The following CNTNAP5 variants were observed in gnomAD, a reference collection of about 807,000 sequenced individuals.
The protein encoded by CNTNAP5 is contactin associated protein family member 5, also known as contactin-associated protein-like 5.
CNTNAP5 carries 72 observed loss-of-function variants against 150.2 expected under a neutral mutation model. The ratio of observed to expected loss-of-function variants is 0.48; its 90% confidence interval spans 0.40 to 0.58. The LOEUF (loss-of-function observed/expected upper bound fraction) is 0.58, where lower values mean the gene tolerates loss of function less well. Among genes scored for constraint, CNTNAP5 ranks in the 20% least tolerant of loss-of-function variants. The pLI is 0.00. For missense variants in CNTNAP5, 1,636 were observed against 1,626.2 expected (o/e 1.01, Z -0.10); for synonymous variants, 672 against 619.8 (o/e 1.08, Z -1.25).
intron 2 of CNTNAP5, among the ~76,000 whole-genome samples, chr2:124,235,300 A>G (rs111450490): frequency 0.023 from 3,526 of 152,194 alleles, 134 homozygotes; most frequent in African/African-American, 0.079. Context: ...GGATAGTTCT[A>G]GTTGTCATCT....
intron 8 of CNTNAP5, among the ~76,000 whole-genome samples, chr2:124,510,307 A>ATATATCTATATATCTATATATC (rs1694540879): frequency 1.8e-5 from 2 of 113,578 alleles, no homozygotes; most frequent in African/African-American, 3.6e-5. Flanking sequence ...ATATCTATAT[A>ATATATCTATATATCTATATATC]TATATCTATA....
At chr2:124,043,591 G>A (rs1257440132) in intron 1 of CNTNAP5, among the ~76,000 whole-genome samples, 1 of 151,874 alleles carries the variant, frequency 6.6e-6, no homozygotes, top group Non-Finnish European at 1.5e-5. Flanking sequence ...TATTTGTAGT[G>A]TATTCCATTT....
At chr2:124,165,617 A>G (rs565128232) in intron 1 of CNTNAP5, among the ~76,000 whole-genome samples, 5 of 152,260 alleles carry the variant, frequency 3.3e-5, no homozygotes, top group Non-Finnish European at 5.9e-5. Flanking sequence ...CTCCAAGCAC[A>G]TGAAACACAT....
chr2:124,066,720 CAG>C lies in CNTNAP5; in HGVS notation c.82+40992_82+40993del, dbSNP rs1682170462. Reference sequence around the variant, plus strand: ...GGACACTGGAAAACACTTAAGAAAACAGAGATTAAATAGACATCATAAACCCA... The same window carrying C: ...GGACACTGGAAAACACTTAAGAAAACAGATTAAATAGACATCATAAACCCA... On this transcript the variant is annotated intron_variant, in intron 1 of 23. Coordinates refer to ENST00000682447, the MANE Select transcript of CNTNAP5 (RefSeq NM_001367498.1). Among the ~76,000 whole-genome samples, 5 of 151,896 alleles carry C rather than the reference CAG, an allele frequency of 3.3e-5. No homozygotes were observed. The South Asian group carries it at 1.0e-3, about 32-fold the overall frequency.
intron 1 of CNTNAP5, among the ~76,000 whole-genome samples, chr2:124,042,384 G>T (rs994284934): frequency 1.3e-5 from 2 of 152,064 alleles, no homozygotes; most frequent in Non-Finnish European, 2.9e-5. Context: ...TTTTAAGAAG[G>T]TGTAACCATG....
intron 7 of CNTNAP5, among the ~76,000 whole-genome samples, chr2:124,496,937 C>T (rs913179490): frequency 6.6e-6 from 1 of 152,114 alleles, no homozygotes; most frequent in African/African-American, 2.4e-5. Flanking sequence ...GGATGTATAA[C>T]CTCAGGTCTT....
At chr2:124,034,434 C>G (rs1472239599) in intron 1 of CNTNAP5, among the ~76,000 whole-genome samples, 1 of 152,084 alleles carries the variant, frequency 6.6e-6, no homozygotes, top group Non-Finnish European at 1.5e-5. Flanking sequence ...AAGACAAATA[C>G]AAATTTGTTC....
At chr2:124,453,055 CAGA>C (rs1184837408) in intron 6 of CNTNAP5, among the ~76,000 whole-genome samples, 1 of 151,854 alleles carries the variant, frequency 6.6e-6, no homozygotes, top group African/African-American at 2.4e-5. Context: ...AAAAATAATT[CAGA>C]AGGTTAGTTA....
At chr2:124,456,970 T>C (rs1693134113) in intron 6 of CNTNAP5, among the ~76,000 whole-genome samples, 1 of 152,196 alleles carries the variant, frequency 6.6e-6, no homozygotes, top group Non-Finnish European at 1.5e-5. Flanking sequence ...TTCTAGAAGA[T>C]GGCATTAGGG....
At chr2:124,836,370 C>T (rs992268050) in intron 19 of CNTNAP5, among the ~76,000 whole-genome samples, 14 of 152,116 alleles carry the variant, frequency 9.2e-5, no homozygotes, top group African/African-American at 3.4e-4. Context: ...TAAGTGGTCT[C>T]TAAAATGAAA....
chr2:124,776,207 A>C (rs1681319664), intron 17 of CNTNAP5, among the ~76,000 whole-genome samples: 1 of 152,156 alleles, frequency 6.6e-6, no homozygotes, highest in Non-Finnish European at 1.5e-5. Context: ...ATAGAGTGGA[A>C]ATCTTGTGAA....
chr2:124,224,512 A>G (rs754694682), intron 2 of CNTNAP5, among the ~76,000 whole-genome samples: 12 of 151,712 alleles, frequency 7.9e-5, no homozygotes, highest in Non-Finnish European at 1.2e-4. Context: ...AGTAAAATGT[A>G]TATATATATA....
chr2:124,565,647 T>A, intron 11 of CNTNAP5, among the ~76,000 whole-genome samples: 1 of 124,012 alleles, frequency 8.1e-6, no homozygotes, highest in Non-Finnish European at 1.6e-5. Context: ...TCACCCAGGC[T>A]GGAGTGCAGT....
At chr2:124,529,111 C>T (rs570122523) in intron 10 of CNTNAP5, among the ~76,000 whole-genome samples, 6 of 147,676 alleles carry the variant, frequency 4.1e-5, no homozygotes, top group African/African-American at 1.5e-4. Context: ...AAAATATGTG[C>T]TTCATTAAAA....
intron 17 of CNTNAP5, among the ~76,000 whole-genome samples, chr2:124,782,849 A>G (rs1394627474): frequency 6.6e-6 from 1 of 152,206 alleles, no homozygotes; most frequent in African/African-American, 2.4e-5. Context: ...CATAATAAAT[A>G]CAGAATATTA....
At chr2:124,245,371 T>G (rs1686990262) in intron 3 of CNTNAP5, among the ~76,000 whole-genome samples, 1 of 152,122 alleles carries the variant, frequency 6.6e-6, no homozygotes, top group African/African-American at 2.4e-5. Context: ...TTCTTTTTAC[T>G]TTTTATTTTT....
intron 1 of CNTNAP5, among the ~76,000 whole-genome samples, chr2:124,166,986 C>T (rs1684822210): frequency 6.6e-6 from 1 of 152,036 alleles, no homozygotes; most frequent in Non-Finnish European, 1.5e-5. Context: ...TCTTTAATGA[C>T]CTTAACTCTT....
intron 3 of CNTNAP5, among the ~76,000 whole-genome samples, chr2:124,327,846 T>C (rs868491803): frequency 3.9e-5 from 6 of 152,190 alleles, no homozygotes; most frequent in Non-Finnish European, 8.8e-5. Context: ...CTTGGGCCCA[T>C]GTCTTCAGGA....
At chr2:124,831,709 A>G (rs956119977) in intron 19 of CNTNAP5, among the ~76,000 whole-genome samples, 5 of 151,288 alleles carry the variant, frequency 3.3e-5, no homozygotes, top group Non-Finnish European at 5.9e-5. Flanking sequence ...TTTTCTCTCA[A>G]TTGAAAATGA....
Sources: allele counts gnomAD v4.1 joint callset (sites outside exome capture counted in the v4.1 genomes callset), GRCh38; gene constraint gnomAD v4.1.1; transcripts MANE v1.5; gene names NCBI Gene and HGNC (gene_info 2026-07-23, HGNC 2026-07-21).